The following DEPDC4 variants were observed in gnomAD, a reference collection of about 807,000 sequenced individuals.
DEPDC4 encodes DEP domain-containing protein 4.
A neutral mutation model predicts 52.0 loss-of-function variants in DEPDC4; 52 were observed. That is an observed-to-expected ratio of 1.00 (90% confidence interval 0.80 to 1.26). DEPDC4 has a LOEUF of 1.26. DEPDC4 is among the 50% of genes most tolerant of loss of function. DEPDC4 has a pLI of 0.00. For missense variants in DEPDC4, 530 were observed against 546.9 expected, an observed-to-expected ratio of 0.97 and a Z score of 0.31; for synonymous variants, 201 against 196.8, an observed-to-expected ratio of 1.02 and a Z score of -0.18.
At chr12:100,267,137 G>A (rs2096278012), upstream of DEPDC4, 1 of 1,559,014 alleles carries the variant, frequency 6.4e-7, no homozygotes, top group Middle Eastern at 1.9e-4. Flanking sequence ...CTTCCGAACC[G>A]GCAGGAAGTG....
At chr12:100,279,605 A>G in the DEPDC4 span, among the ~76,000 whole-genome samples, 2 of 152,122 alleles carry the variant, frequency 1.3e-5, no homozygotes, top group African/African-American at 2.4e-5. Flanking sequence ...TTAGTAATTT[A>G]TGATTACTTT....
At chr12:100,238,201 G>A, downstream of DEPDC4, 1 of 243,400 alleles carries the variant, frequency 4.1e-6, no homozygotes, top group Non-Finnish European at 6.5e-6. Flanking sequence ...TTTTGACAGA[G>A]TCTCGCTCCA....
chr12:100,276,930 AATTTTCATTTTC>A, the DEPDC4 span, among the ~76,000 whole-genome samples: 2 of 151,842 alleles, frequency 1.3e-5, no homozygotes, highest in African/African-American at 4.8e-5. Context: ...ATGACCCACA[AATTTTCATTTTC>A]ATTTTCATTC....
intron 1 of DEPDC4, among the ~76,000 whole-genome samples, chr12:100,265,465 G>A (rs555690093): frequency 3.5e-4 from 53 of 151,940 alleles, no homozygotes; most frequent in Middle Eastern, 3.4e-3. Context: ...GCATGGTGTC[G>A]CACGCCTGTA....
the DEPDC4 span, among the ~76,000 whole-genome samples, chr12:100,272,246 C>T: frequency 1.3e-5 from 2 of 152,010 alleles, no homozygotes; most frequent in African/African-American, 4.8e-5. Context: ...TCATTTATAA[C>T]TTTGTCATTG....
chr12:100,239,639 C>T (rs2096150939), downstream of DEPDC4, among the ~76,000 whole-genome samples: 1 of 152,008 alleles, frequency 6.6e-6, no homozygotes. Context: ...CCTGCATTGG[C>T]ATCCCAATGT....
rs977984775 is a variant in DEPDC4, at chr12:100,240,616, G to A, written c.*1276C>T. Among the ~76,000 whole-genome samples the A allele has an allele frequency of 6.9e-6, 1 of 145,220 alleles. No homozygotes were observed. Among genetic ancestry groups the A allele is most frequent in the African/African-American group, 2.9e-5 (1 of 35,040 alleles). ...GAAAAAAGTGAAAGAGCTGGAAAGA[G>A]AGAGAGAAAGAGGAAAGAAAAGGAA... is the stretch of plus-strand genomic sequence containing the variant. On this transcript the variant is annotated 3_prime_UTR_variant, in exon 10 of 10. Coordinates refer to ENST00000550587, the MANE Select transcript of DEPDC4 (RefSeq NM_001364818.2).
chr12:100,271,330 G>A (rs1218485190), upstream of DEPDC4, among the ~76,000 whole-genome samples: 2 of 149,568 alleles, frequency 1.3e-5, no homozygotes, highest in African/African-American at 4.9e-5. Context: ...ATACAAACAG[G>A]TAAGTACTGC....
At chr12:100,275,014 C>G in the DEPDC4 span, among the ~76,000 whole-genome samples, 1 of 152,170 alleles carries the variant, frequency 6.6e-6, no homozygotes, top group African/African-American at 2.4e-5. Flanking sequence ...TTGAATCTTC[C>G]AATTCATGAT....
chr12:100,263,541 G>C lies in DEPDC4; in HGVS notation c.510C>G (p.Cys170Trp). The C allele has an allele frequency of 6.2e-7, 1 of 1,604,408 alleles. No homozygotes were observed. ...CATTCTCAGCATCCTTTTGTCTTTT[G>C]CAACAATCGTAAGATGATTTATTGC... is the stretch of plus-strand genomic sequence containing the variant. Reference protein sequence around the residue: ...FLGNKSSYDCCKRQKDAENEF... With the variant: ...FLGNKSSYDCWKRQKDAENEF... The change falls in exon 2 of 10, where the codon TGC (cysteine) becomes TGG (tryptophan). Residue 170 changes from cysteine (C) to tryptophan (W), a missense_variant. Transcript: ENST00000550587.
chr12:100,265,917 C>T (rs1212832300), intron 1 of DEPDC4, among the ~76,000 whole-genome samples: 1 of 152,032 alleles, frequency 6.6e-6, no homozygotes, highest in East Asian at 1.9e-4. Flanking sequence ...GAGGATGTAC[C>T]CTTTTAAAGT....
rs1382793915 is a variant in DEPDC4, at chr12:100,263,877, A to G, written c.174T>C (p.Phe58=). 2 of 1,607,562 alleles carry G rather than the reference A, an allele frequency of 1.2e-6. No homozygotes were observed. Among genetic ancestry groups the G allele is most frequent in the Admixed American group, 3.4e-5 (2 of 59,072 alleles). The change falls in exon 2 of 10, where the codon TTT becomes TTC. Residue 58 remains phenylalanine (F), a synonymous_variant. Transcript: ENST00000550587. The part of the protein sequence containing the change: ...RKRRTGCSGP[F]QATQLWDGII... ...TACCATCCCATAGCTGAGTAGCTTG[A>G]AAAGGACCAGAGCATCCTGAAAAAA...
intron 3 of DEPDC4, among the ~76,000 whole-genome samples, chr12:100,260,696 C>G (rs1352574918): frequency 7.1e-6 from 1 of 141,058 alleles, no homozygotes; most frequent in Non-Finnish European, 1.5e-5. Context: ...GCCAATATGG[C>G]AAAACCTCAT....
chr12:100,267,203 C>T (rs770015818), upstream of DEPDC4: 6 of 1,014,476 alleles, frequency 5.9e-6, no homozygotes, highest in East Asian at 2.6e-5. Flanking sequence ...CCTTACTCTT[C>T]GTCCCCGGTC....
rs2096157621 is a variant in DEPDC4, at chr12:100,241,286, T to C, written c.*606A>G. Reference sequence around the variant, plus strand: ...AATAGCAGCACATTTATTAAGTGATTTTAGCAGCATAATTAAGTGAATCAG... The same window carrying C: ...AATAGCAGCACATTTATTAAGTGATCTTAGCAGCATAATTAAGTGAATCAG... On this transcript the variant is annotated 3_prime_UTR_variant, in exon 10 of 10. Coordinates refer to ENST00000550587, the MANE Select transcript of DEPDC4 (RefSeq NM_001364818.2). 6.6e-6 allele frequency among the ~76,000 whole-genome samples: 1 copy of C among 152,202 alleles called. No individual in the cohort carries two copies. The highest frequency in any genetic ancestry group is 1.5e-5 in the Non-Finnish European group (1 of 68,046).
intron 6 of DEPDC4, 31 bp downstream of exon 6, chr12:100,252,363 A>AATAGCAAAAAAT: frequency 6.6e-7 from 1 of 1,524,918 alleles, no homozygotes; most frequent in Non-Finnish European, 8.7e-7. Flanking sequence ...TAGCAAAAAA[A>AATAGCAAAAAAT]AATGGCAAAA....
chr12:100,264,552 G>A (rs185573809), intron 1 of DEPDC4, among the ~76,000 whole-genome samples: 26 of 152,066 alleles, frequency 1.7e-4, no homozygotes, highest in Middle Eastern at 6.8e-3. Context: ...GGTGGCATGC[G>A]CCTGTAATCC....
upstream of DEPDC4, among the ~76,000 whole-genome samples, chr12:100,271,158 C>G (rs1349435722): frequency 1.3e-5 from 2 of 148,476 alleles, no homozygotes; most frequent in African/African-American, 5.0e-5. Flanking sequence ...TAAAAAACTT[C>G]TAGTAATCTC....
intron 5 of DEPDC4, 35 bp from the exon 6 acceptor site, chr12:100,252,571 G>A (rs1456489540): frequency 2.6e-6 from 4 of 1,552,384 alleles, no homozygotes; most frequent in African/African-American, 2.8e-5. Context: ...CAAAGCATAA[G>A]ATGAAAAATG....
Sources: allele counts gnomAD v4.1 joint callset (sites outside exome capture counted in the v4.1 genomes callset), GRCh38; gene constraint gnomAD v4.1.1; transcripts MANE v1.5; gene names NCBI Gene and HGNC (gene_info 2026-07-23, HGNC 2026-07-21).